The following NAA11 variants were observed in gnomAD, a reference collection of about 807,000 sequenced individuals.
NAA11 encodes N-alpha-acetyltransferase 11, NatA catalytic subunit.
Under a neutral mutation model 16.1 loss-of-function variants are expected in NAA11, and 15 were observed. That is an observed-to-expected ratio of 0.93 (90% CI 0.62 to 1.44). The LOEUF (loss-of-function observed/expected upper bound fraction) is 1.44. Among genes scored for constraint, NAA11 ranks in the 40% most tolerant of loss-of-function variants. The pLI is 0.00. For missense variants in NAA11, 298 were observed against 291.3 expected (o/e 1.02, Z -0.17); for synonymous variants, 122 against 112.4 (o/e 1.09, Z -0.54).
chr4:79,272,718 G>C (rs1722525246), intron 2 of NAA11, among the ~76,000 whole-genome samples: 1 of 151,956 alleles, frequency 6.6e-6, no homozygotes, highest in East Asian at 1.9e-4. Context: ...AAGTAAGGTG[G>C]GGGCTATGTT....
At chr4:79,199,109 A>G in the NAA11 span, among the ~76,000 whole-genome samples, 1 of 151,942 alleles carries the variant, frequency 6.6e-6, no homozygotes, top group African/African-American at 2.4e-5. Flanking sequence ...GCCTCCCTGT[A>G]GCTGGTCGCC....
chr4:79,223,145 G>C (rs1421804648), downstream of NAA11, among the ~76,000 whole-genome samples: 1 of 151,030 alleles, frequency 6.6e-6, no homozygotes, highest in Non-Finnish European at 1.5e-5. Context: ...CCTTTACTGG[G>C]TATATACCCA....
intron 2 of NAA11, among the ~76,000 whole-genome samples, chr4:79,229,975 G>T (rs554510902): frequency 1.7e-4 from 26 of 152,006 alleles, no homozygotes; most frequent in African/African-American, 6.0e-4. Flanking sequence ...TATCTTTATG[G>T]ATTTTTAAAA....
intron 1 of NAA11, among the ~76,000 whole-genome samples, chr4:79,304,962 G>C (rs1340926231): frequency 2.6e-5 from 4 of 152,106 alleles, no homozygotes; most frequent in African/African-American, 9.7e-5. Flanking sequence ...ATAATCCTAG[G>C]AATAAAGAGA....
At chr4:79,269,994 G>T (rs1247807564) in intron 2 of NAA11, among the ~76,000 whole-genome samples, 1 of 151,826 alleles carries the variant, frequency 6.6e-6, no homozygotes, top group Non-Finnish European at 1.5e-5. Context: ...TCTCAGGTTT[G>T]TCAAAGATCA....
At chr4:79,187,143 C>G in the NAA11 span, among the ~76,000 whole-genome samples, 1 of 152,176 alleles carries the variant, frequency 6.6e-6, no homozygotes, top group African/African-American at 2.4e-5. Context: ...TGCATTTTCT[C>G]AAATAATTTC....
chr4:79,223,644 A>AT (rs1219843756), downstream of NAA11, among the ~76,000 whole-genome samples: 2 of 24,492 alleles, frequency 8.2e-5, no homozygotes, highest in African/African-American at 1.1e-4. Context: ...TTAAAGTATA[A>AT]TTAAAAAAAA....
the NAA11 span, among the ~76,000 whole-genome samples, chr4:79,220,509 G>C: frequency 6.6e-6 from 1 of 151,244 alleles, no homozygotes; most frequent in Admixed American, 6.6e-5. Context: ...ATGTAATATA[G>C]GATTTTCTTA....
intron 2 of NAA11, among the ~76,000 whole-genome samples, chr4:79,271,637 A>G (rs962538584): frequency 6.6e-6 from 1 of 152,220 alleles, no homozygotes. Context: ...CGTTATTAAG[A>G]AGAAACTAAC....
the NAA11 span, among the ~76,000 whole-genome samples, chr4:79,188,969 C>A: frequency 6.6e-6 from 1 of 151,570 alleles, no homozygotes; most frequent in South Asian, 2.1e-4. Context: ...CAGTGGCTCA[C>A]GCCTGTAATC....
rs536394196 is a variant in NAA11 at position 79,251,993 on chromosome 4, A to G, written c.*123-25723T>C. Among the ~76,000 whole-genome samples, 346 of 110,866 alleles carry G rather than the reference A, an allele frequency of 3.1e-3. 2 individuals are homozygous for G. Among genetic ancestry groups the G allele is most frequent in the Admixed American group, 8.6e-3 (85 of 9,872 alleles). 72.7% of individuals were successfully genotyped at this position (110,866 alleles called of 152,430 possible). A position where few individuals can be genotyped will look rare whatever the true frequency, so the allele number is the denominator to read the frequency against. ...GAAGAAAATGCGGTATATATTCACC[A>G]TGGAATACTACTCAGCCATAAAGAA... On this transcript the variant is annotated intron_variant and NMD_transcript_variant, in intron 2 of 2. Coordinates refer to the NAA11 transcript ENST00000511542.
chr4:79,227,589 A>G (rs2109953287), intron 2 of NAA11: 1 of 152,120 alleles, frequency 6.6e-6, no homozygotes, highest in South Asian at 2.1e-4. Context: ...GAAGGAGATG[A>G]TGGTTTCACT....
At chr4:79,310,477 C>G (rs1440485274) in intron 1 of NAA11, among the ~76,000 whole-genome samples, 1 of 152,120 alleles carries the variant, frequency 6.6e-6, no homozygotes, top group East Asian at 1.9e-4. Context: ...ATAGAAGAAA[C>G]AAGAAGGTAC....
the NAA11 span, among the ~76,000 whole-genome samples, chr4:79,214,595 C>T: frequency 1.9e-4 from 29 of 152,116 alleles, no homozygotes; most frequent in South Asian, 4.8e-3. Flanking sequence ...GTCAGGAGAT[C>T]GAGACCATCC....
intron 2 of NAA11, among the ~76,000 whole-genome samples, chr4:79,281,241 G>T (rs1266467392): frequency 6.6e-6 from 1 of 151,018 alleles, no homozygotes; most frequent in Non-Finnish European, 1.5e-5. Flanking sequence ...ACATTCTACT[G>T]CCTCCCTCTA....
chr4:79,292,366 C>A (rs1266387561), intron 2 of NAA11, among the ~76,000 whole-genome samples: 1 of 152,174 alleles, frequency 6.6e-6, no homozygotes, highest in Non-Finnish European at 1.5e-5. Flanking sequence ...TGTCACCCGA[C>A]ATCTCCAAAC....
intron 2 of NAA11, among the ~76,000 whole-genome samples, chr4:79,272,816 TGCATGATATCTAGA>T (rs752125806): frequency 2.6e-5 from 4 of 151,960 alleles, no homozygotes; most frequent in Non-Finnish European, 5.9e-5. Flanking sequence ...CTGTCTATAC[TGCATGATATCTAGA>T]GCCTCTACTG....
chr4:79,275,361 T>C (rs995767690), intron 2 of NAA11, among the ~76,000 whole-genome samples: 3 of 151,976 alleles, frequency 2.0e-5, no homozygotes, highest in Admixed American at 6.6e-5. Flanking sequence ...ATAGTTGCCA[T>C]AGGAAGAAGT....
At chr4:79,248,828 G>A (rs1721915647) in intron 2 of NAA11, among the ~76,000 whole-genome samples, 1 of 152,148 alleles carries the variant, frequency 6.6e-6, no homozygotes, top group Non-Finnish European at 1.5e-5. Flanking sequence ...GCACTGCACT[G>A]TACCCACCAG....
Sources: gnomAD v4.1 joint callset for allele counts (sites outside exome capture counted in the v4.1 genomes callset) on GRCh38, gnomAD v4.1.1 for gene constraint, MANE v1.5 for transcripts, NCBI Gene and HGNC (gene_info 2026-07-23, HGNC 2026-07-21) for gene names.